GTPBP10: variants seen among roughly 807,000 people sequenced by gnomAD.
GTPBP10 encodes the protein GTP binding protein 10.
GTPBP10 carries 38 observed loss-of-function variants against 44.8 expected under a neutral mutation model. The ratio of observed to expected loss-of-function variants is 0.85; its 90% CI spans 0.65 to 1.11. The LOEUF (loss-of-function observed/expected upper bound fraction) is 1.11. GTPBP10 is among the 50% of genes most tolerant of loss of function. The probability of loss-of-function intolerance (pLI) is 0.00; values close to 1 mark genes in which losing one functional copy is unlikely to be tolerated. For synonymous variants in GTPBP10, 152 were observed against 150.6 expected (o/e 1.01, Z -0.07); for missense variants, 462 against 453.7 (o/e 1.02, Z -0.17).
At chr7:90,355,296 G>A in intron 4 of GTPBP10, 66 bp downstream of exon 4, 1 of 1,057,854 alleles carries the variant, frequency 9.5e-7, no homozygotes, top group East Asian at 2.8e-5. Flanking sequence ...GAAAATAAAT[G>A]TAAATGGTAA....
chr7:90,385,248 A>G lies in GTPBP10; in HGVS notation c.*94A>G. On this transcript the variant is annotated 3_prime_UTR_variant, in exon 10 of 10. Coordinates refer to ENST00000222511, the MANE Select transcript of GTPBP10 (RefSeq NM_033107.4). ...ACAACCTGGAGGACATGTTAAGTAA[A>G]ATAAGCCAGGCTTAGAAAGACAAAT... 9.2e-6 allele frequency: 8 copies of G among 867,928 alleles called. No individual in the cohort carries two copies. In the South Asian group the frequency reaches 1.1e-4, roughly 12 times the overall value. 53.8% of individuals were successfully genotyped at this position (867,928 alleles called of 1,614,324 possible). A position where few individuals can be genotyped will look rare whatever the true frequency, so the allele number is the denominator to read the frequency against.
At chr7:90,351,921 C>G (rs1031228578) in intron 1 of GTPBP10, among the ~76,000 whole-genome samples, 2 of 152,198 alleles carry the variant, frequency 1.3e-5, no homozygotes, top group Non-Finnish European at 2.9e-5. Flanking sequence ...TGGTCTCGAT[C>G]TCCTGAACTC....
rs976021805 is a variant in GTPBP10 at position 90,390,353 on chromosome 7, A to C, written c.*5199A>C. On this transcript the variant is annotated 3_prime_UTR_variant, in exon 10 of 10. Transcript: ENST00000222511. ...GCATGAAAAAGCCAGGGACAATTTCAACTACCATTTCTGACCATCATCAAC... is the reference window on the plus strand; with the variant it reads ...GCATGAAAAAGCCAGGGACAATTTCCACTACCATTTCTGACCATCATCAAC... The C allele has an allele frequency of 6.6e-6, 1 of 152,232 alleles. No homozygotes were observed. Among genetic ancestry groups the C allele is most frequent in the African/African-American group, 2.4e-5 (1 of 41,454 alleles). The allele number at this position is 152,232 out of a possible 1,614,324, so 9.4% of individuals were successfully genotyped here.
intron 1 of GTPBP10, among the ~76,000 whole-genome samples, chr7:90,350,047 T>C (rs1007652587): frequency 6.6e-6 from 1 of 152,150 alleles, no homozygotes; most frequent in African/African-American, 2.4e-5. Flanking sequence ...CATTGGGTAT[T>C]TCTCCTAATG....
At chr7:90,361,886 C>T (rs566217042) in intron 4 of GTPBP10, among the ~76,000 whole-genome samples, 50 of 152,246 alleles carry the variant, frequency 3.3e-4, no homozygotes, top group African/African-American at 9.9e-4. Context: ...GGAATTTATC[C>T]GTTTCTTCTA....
At chr7:90,369,726 C>T (rs766746328) in intron 4 of GTPBP10, among the ~76,000 whole-genome samples, 8 of 152,168 alleles carry the variant, frequency 5.3e-5, no homozygotes, top group South Asian at 2.1e-4. Flanking sequence ...CAGACTGTCA[C>T]GACTTCCCTT....
At chr7:90,369,245 C>T (rs1009694707) in intron 4 of GTPBP10, among the ~76,000 whole-genome samples, 10 of 152,132 alleles carry the variant, frequency 6.6e-5, no homozygotes, top group Admixed American at 1.3e-4. Context: ...TTAGGCTACT[C>T]GGGGGTCAGG....
At chr7:90,372,107 G>A (rs1796267440) in intron 4 of GTPBP10, 48 bp from the exon 5 acceptor site, 1 of 1,112,742 alleles carries the variant, frequency 9.0e-7, no homozygotes, top group South Asian at 1.3e-5. Flanking sequence ...TAGGAATTCA[G>A]AGATAATAAT....
chr7:90,367,582 A>G (rs1796159986), intron 4 of GTPBP10, among the ~76,000 whole-genome samples: 1 of 152,096 alleles, frequency 6.6e-6, no homozygotes, highest in Non-Finnish European at 1.5e-5. Flanking sequence ...AGTCTATTTT[A>G]TCAGAGACTA....
rs1039015662 is a variant in GTPBP10 at position 90,355,104 on chromosome 7, A to G, written c.338A>G (p.Asn113Ser). 1.3e-6 allele frequency: 2 copies of G among 1,588,444 alleles called. No homozygotes were observed. The highest frequency in any genetic ancestry group is 8.6e-7 in the Non-Finnish European group (1 of 1,161,512). Residue 113 changes from asparagine to serine, a missense_variant, in exon 4 of 10, where the codon AAT becomes AGT. Transcript: ENST00000222511. ...TTTTAAGGAGAACTCAATAAAGAAA[A>G]TGACAGAATTTTGGTAGCTCAAGGA... is the stretch of plus-strand genomic sequence containing the variant. ...GKIIGELNKE[N>S]DRILVAQGGL...
chr7:90,356,499 G>A (rs988103487), intron 4 of GTPBP10, among the ~76,000 whole-genome samples: 7 of 152,136 alleles, frequency 4.6e-5, no homozygotes, highest in Admixed American at 1.3e-4. Flanking sequence ...AGCCTAGCAC[G>A]GCTTAGTCAT....
chr7:90,377,294 T>C (rs1237294216), intron 6 of GTPBP10, among the ~76,000 whole-genome samples: 1 of 152,206 alleles, frequency 6.6e-6, no homozygotes, highest in Non-Finnish European at 1.5e-5. Context: ...ATTAGATTAA[T>C]AGTAAATATG....
chr7:90,363,041 A>T (rs1326244625), intron 4 of GTPBP10, among the ~76,000 whole-genome samples: 2 of 151,866 alleles, frequency 1.3e-5, no homozygotes, highest in Non-Finnish European at 2.9e-5. Context: ...TGCATGTGAG[A>T]TGGGTCTCCT....
At chr7:90,367,262 C>G (rs112003714) in intron 4 of GTPBP10, among the ~76,000 whole-genome samples, 3 of 151,966 alleles carry the variant, frequency 2.0e-5, no homozygotes, top group African/African-American at 4.8e-5. Flanking sequence ...TATATTCTGT[C>G]GATTTGGGGT....
At position 90,377,591 on chromosome 7, in the gene GTPBP10, A is replaced by G; in HGVS notation, c.676A>G (p.Arg226Gly). Reference sequence around the variant, plus strand: ...CCACAAATTCCTCAAGCATATAGAAAGAACTAGACAACTACTTTTTGTTGT... The same window carrying G: ...CCACAAATTCCTCAAGCATATAGAAGGAACTAGACAACTACTTTTTGTTGT... ...MGHKFLKHIE[R>G]TRQLLFVVDI... is the part of the protein sequence containing the mutation. Residue 226 changes from arginine to glycine, a missense_variant, in exon 7 of 10, where the codon AGA (arginine) becomes GGA (glycine). Coordinates refer to ENST00000222511, the MANE Select transcript of GTPBP10 (RefSeq NM_033107.4). The G allele has an allele frequency of 6.2e-7, 1 of 1,608,230 alleles. No individual in the cohort carries two copies. Among genetic ancestry groups the G allele is most frequent in the Non-Finnish European group, 8.5e-7 (1 of 1,176,134 alleles).
chr7:90,348,109 G>A (rs1180179324), intron 1 of GTPBP10, among the ~76,000 whole-genome samples: 1 of 152,158 alleles, frequency 6.6e-6, no homozygotes, highest in East Asian at 1.9e-4. Context: ...CATTTGGGAG[G>A]CTGAAGTGGG....
At chr7:90,381,198 G>T (rs936692089) in intron 8 of GTPBP10, among the ~76,000 whole-genome samples, 2 of 152,126 alleles carry the variant, frequency 1.3e-5, no homozygotes, top group African/African-American at 4.8e-5. Flanking sequence ...AATTTTTTGA[G>T]AAATCTTTAT....
At chr7:90,360,380 C>A (rs1047877120) in intron 4 of GTPBP10, among the ~76,000 whole-genome samples, 2 of 152,166 alleles carry the variant, frequency 1.3e-5, no homozygotes, top group African/African-American at 4.8e-5. Flanking sequence ...TTCCCAGCAC[C>A]ATTTATTATA....
intron 8 of GTPBP10, among the ~76,000 whole-genome samples, chr7:90,382,665 G>T (rs557639752): frequency 1.2e-4 from 18 of 152,182 alleles, no homozygotes; most frequent in Non-Finnish European, 2.5e-4. Flanking sequence ...ATAACATTCA[G>T]TGATCATTAC....
Sources: allele counts gnomAD v4.1 joint callset (sites outside exome capture counted in the v4.1 genomes callset), GRCh38; gene constraint gnomAD v4.1.1; transcripts MANE v1.5; gene names NCBI Gene and HGNC (gene_info 2026-07-23, HGNC 2026-07-21).